The following RALYL variants were observed in gnomAD, a reference collection of about 807,000 sequenced individuals.
RALYL encodes the protein RNA-binding Raly-like protein.
Under a neutral mutation model 35.1 loss-of-function variants are expected in RALYL, and 29 were observed. The observed-to-expected ratio is 0.83, with a 90% CI of 0.61 to 1.13. The LOEUF is 1.13. Ranked by LOEUF, RALYL falls within the 50% of genes most tolerant of loss-of-function variation. The probability of loss-of-function intolerance (pLI) is 0.00; values close to 1 mark genes in which losing one functional copy is unlikely to be tolerated. For missense variants in RALYL, 359 were observed against 360.4 expected, an observed-to-expected ratio of 1.00 and a Z score of 0.03; for synonymous variants, 120 against 127.6, an observed-to-expected ratio of 0.94 and a Z score of 0.40.
chr8:84,281,993 C>A (rs1836669609), intron 1 of RALYL, among the ~76,000 whole-genome samples: 1 of 151,970 alleles, frequency 6.6e-6, no homozygotes, highest in Non-Finnish European at 1.5e-5. Context: ...CATTAATGTG[C>A]CCTTTCAGTT....
intron 2 of RALYL, among the ~76,000 whole-genome samples, chr8:84,621,899 C>T (rs1821598876): frequency 2.0e-5 from 3 of 152,150 alleles, no homozygotes. Context: ...TTTTCAAGCT[C>T]TTTTTCTATG....
At chr8:84,382,874 G>A (rs1486759447) in intron 1 of RALYL, among the ~76,000 whole-genome samples, 3 of 151,514 alleles carry the variant, frequency 2.0e-5, no homozygotes, top group East Asian at 1.9e-4. Flanking sequence ...AATTTTCTAC[G>A]TTATTTATCT....
At chr8:84,642,190 T>C (rs146739733) in intron 2 of RALYL, among the ~76,000 whole-genome samples, 4 of 152,112 alleles carry the variant, frequency 2.6e-5, no homozygotes, top group South Asian at 2.1e-4. Context: ...AGCCATGAGA[T>C]AGCATCACAA....
intron 4 of RALYL, among the ~76,000 whole-genome samples, chr8:84,820,557 C>T (rs1257478012): frequency 6.6e-6 from 1 of 152,036 alleles, no homozygotes; most frequent in African/African-American, 2.4e-5. Context: ...TAATTTTACT[C>T]TAAGTTCTGG....
intron 1 of RALYL, among the ~76,000 whole-genome samples, chr8:84,493,258 A>G (rs1046233280): frequency 6.6e-6 from 1 of 151,972 alleles, no homozygotes; most frequent in Non-Finnish European, 1.5e-5. Context: ...CATTCTTTTT[A>G]TGGCTGCATA....
chr8:84,337,753 C>T (rs1848070634), intron 1 of RALYL, among the ~76,000 whole-genome samples: 1 of 152,144 alleles, frequency 6.6e-6, no homozygotes, highest in African/African-American at 2.4e-5. Context: ...TGACAGTTTC[C>T]TTACTTTTGT....
intron 1 of RALYL, 42 bp from the exon 2 acceptor site, chr8:84,529,257 C>CA: frequency 6.5e-7 from 1 of 1,541,264 alleles, no homozygotes; most frequent in Non-Finnish European, 8.8e-7. Context: ...TAATGATTTA[C>CA]CTTTTGATTA....
At chr8:84,595,753 A>G (rs1237227860) in intron 2 of RALYL, among the ~76,000 whole-genome samples, 3 of 150,694 alleles carry the variant, frequency 2.0e-5, no homozygotes, top group Non-Finnish European at 4.4e-5. Flanking sequence ...GAGTGAAGTT[A>G]AAACCATAAG....
chr8:84,205,853 A>G (rs1250220431), intron 1 of RALYL, among the ~76,000 whole-genome samples: 1 of 152,092 alleles, frequency 6.6e-6, no homozygotes, highest in African/African-American at 2.4e-5. Flanking sequence ...TAACTTTCTC[A>G]TAGTTCTGGA....
At chr8:84,807,926 G>T (rs987099974) in intron 4 of RALYL, among the ~76,000 whole-genome samples, 1 of 152,172 alleles carries the variant, frequency 6.6e-6, no homozygotes, top group African/African-American at 2.4e-5. Flanking sequence ...TCCTTTGTTA[G>T]ATGTATAGAT....
chr8:84,532,913 T>C (rs2059365487), intron 2 of RALYL, among the ~76,000 whole-genome samples: 1 of 152,106 alleles, frequency 6.6e-6, no homozygotes. Context: ...TTTCGCACCA[T>C]GATAGAGGGT....
At chr8:84,867,903 A>T (rs1839462444) in intron 6 of RALYL, among the ~76,000 whole-genome samples, 1 of 152,172 alleles carries the variant, frequency 6.6e-6, no homozygotes, top group African/African-American at 2.4e-5. Flanking sequence ...ATTTTCAGGC[A>T]CTTATATCTG....
intron 2 of RALYL, among the ~76,000 whole-genome samples, chr8:84,529,968 C>T (rs565303246): frequency 2.0e-4 from 30 of 152,140 alleles, no homozygotes; most frequent in African/African-American, 6.7e-4. Flanking sequence ...ATGCATTTTC[C>T]TCATTTCCTA....
intron 2 of RALYL, among the ~76,000 whole-genome samples, chr8:84,604,371 A>C (rs904757680): frequency 1.3e-5 from 2 of 152,064 alleles, no homozygotes; most frequent in Non-Finnish European, 1.5e-5. Flanking sequence ...TTTGCTATCT[A>C]CACAAAGGGC....
chr8:84,787,447 G>A (rs942250073), intron 3 of RALYL, among the ~76,000 whole-genome samples: 22 of 152,298 alleles, frequency 1.4e-4, no homozygotes, highest in African/African-American at 3.6e-4. Flanking sequence ...TTGGTTCCAA[G>A]TCTTTGCTAT....
chr8:84,697,984 A>G (rs1018079705), intron 2 of RALYL, among the ~76,000 whole-genome samples: 1 of 152,120 alleles, frequency 6.6e-6, no homozygotes, highest in African/African-American at 2.4e-5. Flanking sequence ...AATTCCAACT[A>G]AAGTAAAATC....
chr8:84,800,072 A>G (rs912446911), intron 3 of RALYL, among the ~76,000 whole-genome samples: 8 of 152,224 alleles, frequency 5.3e-5, no homozygotes, highest in African/African-American at 7.2e-5. Flanking sequence ...ATAGCCACCT[A>G]TCATAAATAG....
intron 2 of RALYL, among the ~76,000 whole-genome samples, chr8:84,655,901 T>G (rs965438056): frequency 1.3e-5 from 2 of 152,110 alleles, no homozygotes; most frequent in Admixed American, 6.6e-5. Flanking sequence ...AAGAGTAGGA[T>G]CCCCTGAATC....
At chr8:84,808,776 T>C (rs1825259133) in intron 4 of RALYL, among the ~76,000 whole-genome samples, 1 of 152,026 alleles carries the variant, frequency 6.6e-6, no homozygotes, top group Non-Finnish European at 1.5e-5. Flanking sequence ...CATCGTAAAG[T>C]GGATTGCGTT....
Sources: allele counts gnomAD v4.1 joint callset (sites outside exome capture counted in the v4.1 genomes callset), GRCh38; gene constraint gnomAD v4.1.1; transcripts MANE v1.5; gene names NCBI Gene and HGNC (gene_info 2026-07-23, HGNC 2026-07-21).